The following MIGA1 variants were observed in gnomAD, a reference collection of about 807,000 sequenced individuals.
The protein encoded by MIGA1 is family with sequence similarity 73, member A.
In MIGA1, 58 loss-of-function variants were observed where a neutral mutation model predicts 82.0. The ratio of observed to expected loss-of-function variants is 0.71; its 90% CI spans 0.57 to 0.88. The LOEUF (loss-of-function observed/expected upper bound fraction) is 0.88, where lower values mean the gene tolerates loss of function less well. Ranked by LOEUF, MIGA1 falls within the 40% of genes least tolerant of loss-of-function variation. The pLI is 0.00. For missense variants in MIGA1, 751 were observed against 749.1 expected (o/e 1.00, Z -0.03); for synonymous variants, 249 against 253.6 (o/e 0.98, Z 0.17).
Position 77,864,026 on chromosome 1 carries a change from A to G in MIGA1, c.1507A>G (p.Thr503Ala), listed in dbSNP as rs1685567335. ...ATGGCTAAACTCATCCTTCAAAGAAACAGTAAGTGGTGGTTAACCTTTCTC... is the reference window on the plus strand; with the variant it reads ...ATGGCTAAACTCATCCTTCAAAGAAGCAGTAAGTGGTGGTTAACCTTTCTC... The change falls in exon 13 of 16, where the codon ACA (threonine) becomes GCA (alanine). Residue 503 changes from threonine to alanine, a missense_variant and splice_region_variant. This residue lies in a region of MIGA1 where 265 missense variants were observed against 293.6 expected (regional missense o/e 0.90). Coordinates refer to ENST00000370791, the MANE Select transcript of MIGA1 (RefSeq NM_198549.4). 1 of 1,604,710 alleles carries G rather than the reference A, an allele frequency of 6.2e-7. No homozygotes were observed.
chr1:77,811,117 A>T, intron 5 of MIGA1: 1 of 1,580,030 alleles, frequency 6.3e-7, no homozygotes, highest in Non-Finnish European at 8.7e-7. Context: ...CTCAATGTCC[A>T]CATTAAAATG....
rs1646861789 is a variant in MIGA1, at chr1:77,873,096, G to A, written c.1656G>A (p.Leu552=). The change falls in exon 15 of 16, where the codon CTG becomes CTA. Residue 552 remains leucine (L), a synonymous_variant. Transcript: ENST00000370791. ...GCTTTTTGGGTCCTAGAAATTCTCT[G>A]TATGATTTATGTTGCTTTTTTAAGG... The A allele has an allele frequency of 6.2e-7, 1 of 1,613,346 alleles. No homozygotes were observed. The highest frequency in any genetic ancestry group is 1.3e-5 in the African/African-American group (1 of 74,874).
intron 7 of MIGA1, among the ~76,000 whole-genome samples, chr1:77,828,933 T>C (rs1021979416): frequency 6.6e-6 from 1 of 152,176 alleles, no homozygotes; most frequent in Non-Finnish European, 1.5e-5. Context: ...TGCCTCAGCC[T>C]CCCAAAGTGC....
At chr1:77,826,620 C>T (rs976185024) in intron 7 of MIGA1, among the ~76,000 whole-genome samples, 1 of 152,096 alleles carries the variant, frequency 6.6e-6, no homozygotes, top group Non-Finnish European at 1.5e-5. Context: ...GGACTACAGG[C>T]GTGAACTACC....
chr1:77,828,707 C>G (rs1413386819), intron 7 of MIGA1, among the ~76,000 whole-genome samples: 1 of 152,186 alleles, frequency 6.6e-6, no homozygotes, highest in Non-Finnish European at 1.5e-5. Context: ...GGGTCTCACT[C>G]TGTCACCCAG....
intron 8 of MIGA1, among the ~76,000 whole-genome samples, chr1:77,854,513 C>T (rs1392046707): frequency 6.6e-6 from 1 of 152,204 alleles, no homozygotes; most frequent in Non-Finnish European, 1.5e-5. Context: ...TTTACATTCC[C>T]ACCAGCAGTG....
At position 77,815,146 on chromosome 1, in the gene MIGA1, TCTG is replaced by T. The variant is rs1222831327; in HGVS notation, c.815_817del (p.Leu272del). ...CTGAATTTATCCATAAACTCGAAGC[TCTG>T]CTGCAAAGAGCCTATCGTCTCCAAG... is the stretch of plus-strand genomic sequence containing the variant. On this transcript the variant is annotated inframe_deletion, in exon 7 of 16. Transcript: ENST00000370791. 1 of 1,603,398 alleles carries T rather than the reference TCTG, an allele frequency of 6.2e-7. No homozygotes were observed. Among genetic ancestry groups the T allele is most frequent in the Non-Finnish European group, 8.5e-7 (1 of 1,173,298 alleles).
chr1:77,875,890 TG>T lies in MIGA1; in HGVS notation c.*829del, dbSNP rs1484868973. ...GTTCATGCCTGTAATCCTAGCACTT[TG>T]GGAGGCCAAGGTGGGCGGATCACCT... On this transcript the variant is annotated 3_prime_UTR_variant, in exon 16 of 16. Coordinates refer to ENST00000370791, the MANE Select transcript of MIGA1 (RefSeq NM_198549.4). The T allele has an allele frequency of 6.6e-6, 1 of 152,208 alleles. No homozygotes were observed. Among genetic ancestry groups the T allele is most frequent in the East Asian group, 1.9e-4 (1 of 5,194 alleles). The allele number at this position is 152,208 out of a possible 1,614,324, so 9.4% of individuals were successfully genotyped here.
At chr1:77,864,896 AG>A in intron 13 of MIGA1, among the ~76,000 whole-genome samples, 1 of 152,344 alleles carries the variant, frequency 6.6e-6, no homozygotes, top group Middle Eastern at 3.4e-3. Flanking sequence ...GAAGCAAAGT[AG>A]GGTGGATATA....
chr1:77,839,452 C>G (rs895575695), intron 7 of MIGA1, among the ~76,000 whole-genome samples: 7 of 151,920 alleles, frequency 4.6e-5, no homozygotes, highest in Non-Finnish European at 8.8e-5. Flanking sequence ...CTCACTGCAG[C>G]CTTGAACTTA....
intron 7 of MIGA1, among the ~76,000 whole-genome samples, chr1:77,826,830 A>G (rs1217590637): frequency 1.3e-5 from 2 of 149,806 alleles, no homozygotes; most frequent in African/African-American, 4.9e-5. Context: ...TCTGAGATGG[A>G]GTCTTGTTCT....
chr1:77,780,649 A>G (rs1681865259), intron 1 of MIGA1, among the ~76,000 whole-genome samples: 1 of 152,214 alleles, frequency 6.6e-6, no homozygotes, highest in Admixed American at 6.5e-5. Context: ...GGAGCAAGTA[A>G]TATCACACAG....
At chr1:77,802,297 G>A (rs1046871295) in intron 3 of MIGA1, among the ~76,000 whole-genome samples, 1 of 152,174 alleles carries the variant, frequency 6.6e-6, no homozygotes, top group African/African-American at 2.4e-5. Flanking sequence ...TCTCAGGTAA[G>A]TGCCATATAT....
intron 7 of MIGA1, among the ~76,000 whole-genome samples, chr1:77,840,179 C>A (rs899537209): frequency 6.6e-6 from 1 of 152,122 alleles, no homozygotes; most frequent in African/African-American, 2.4e-5. Context: ...TCTTTGTAAT[C>A]ATTTAGCTGC....
At chr1:77,874,415 C>T (rs1646877761) in intron 15 of MIGA1, among the ~76,000 whole-genome samples, 1 of 151,826 alleles carries the variant, frequency 6.6e-6, no homozygotes, top group African/African-American at 2.4e-5. Context: ...AAAACTATTA[C>T]TGGAAATAGT....
intron 7 of MIGA1, among the ~76,000 whole-genome samples, chr1:77,834,596 T>C (rs1684359210): frequency 6.6e-6 from 1 of 152,234 alleles, no homozygotes; most frequent in Non-Finnish European, 1.5e-5. Context: ...TTCTGAAATT[T>C]TGTTGTTTCT....
At chr1:77,859,200 GA>G (rs1167331010) in intron 9 of MIGA1, 113 bp from the exon 10 acceptor site, 3 of 1,020,072 alleles carry the variant, frequency 2.9e-6, no homozygotes, top group East Asian at 4.8e-5. Context: ...TGTCAGTATT[GA>G]AAAAACATGT....
chr1:77,873,148 T>C (rs746069357), intron 15 of MIGA1, 28 bp downstream of exon 15: 22 of 1,580,868 alleles, frequency 1.4e-5, no homozygotes, highest in Non-Finnish European at 1.8e-5. Flanking sequence ...ATCATTTCTC[T>C]TTTTTTTCTA....
intron 12 of MIGA1, chr1:77,861,550 T>G (rs1685454170): frequency 2.3e-6 from 1 of 434,278 alleles, no homozygotes; most frequent in Non-Finnish European, 4.1e-6. Flanking sequence ...CTTGCTTCCT[T>G]CCCTCCTGTC....
Sources: allele counts gnomAD v4.1 joint callset (sites outside exome capture counted in the v4.1 genomes callset), GRCh38; gene constraint gnomAD v4.1.1; regional missense constraint gnomAD v4.1.1; transcripts MANE v1.5; gene names NCBI Gene and HGNC (gene_info 2026-07-23, HGNC 2026-07-21).